Variants in PTPN13 observed in about 807,000 individuals in gnomAD.
The protein encoded by PTPN13 is protein tyrosine phosphatase non-receptor type 13.
In PTPN13, 191 loss-of-function variants were observed where a neutral mutation model predicts 284.0. That is an observed-to-expected ratio of 0.67 (90% CI 0.60 to 0.76). The LOEUF (loss-of-function observed/expected upper bound fraction) is 0.76, where lower values mean the gene tolerates loss of function less well. PTPN13 is among the 30% of genes least tolerant of loss of function. The probability of loss-of-function intolerance (pLI) is 0.00; values close to 1 mark genes in which losing one functional copy is unlikely to be tolerated. For missense variants in PTPN13, 2,797 were observed against 2,939.9 expected (o/e 0.95, Z 1.12); for synonymous variants, 986 against 1,022.3 (o/e 0.96, Z 0.68).
chr4:86,625,598 G>A (rs935289706), intron 1 of PTPN13, among the ~76,000 whole-genome samples: 8 of 151,814 alleles, frequency 5.3e-5, no homozygotes, highest in Non-Finnish European at 8.8e-5. Context: ...TTAATGTCTG[G>A]TACCACACCA....
At chr4:86,686,679 T>G (rs1196258037) in intron 3 of PTPN13, 31 bp from the exon 4 acceptor site, 1 of 1,379,696 alleles carries the variant, frequency 7.2e-7, no homozygotes, top group Non-Finnish European at 1.0e-6. Flanking sequence ...TATTTTATCA[T>G]AAAATTATTT....
intron 2 of PTPN13, among the ~76,000 whole-genome samples, chr4:86,646,097 G>A (rs971915355): frequency 4.0e-5 from 6 of 150,604 alleles, no homozygotes; most frequent in Admixed American, 2.0e-4. Context: ...AAAAATTAAA[G>A]TTCTTAAAAA....
At position 86,763,195 on chromosome 4, in the gene PTPN13, A is replaced by G; in HGVS notation, c.4017+5A>G. 6.3e-7 allele frequency: 1 copy of G among 1,593,528 alleles called. No homozygotes were observed. Among genetic ancestry groups the G allele is most frequent in the Non-Finnish European group, 8.5e-7 (1 of 1,171,012 alleles). On this transcript the variant is annotated splice_donor_5th_base_variant and intron_variant, in intron 24 of 47. Coordinates refer to ENST00000411767, the MANE Select transcript of PTPN13 (RefSeq NM_080683.3). ...GATCATCAAACACCAAAACAGGCATAGTTTAATTTTAATATTTTGGTTTTC... is the reference window on the plus strand; with the variant it reads ...GATCATCAAACACCAAAACAGGCATGGTTTAATTTTAATATTTTGGTTTTC...
chr4:86,787,103 C>CA (rs574178007), intron 40 of PTPN13, among the ~76,000 whole-genome samples: 3,742 of 127,258 alleles, frequency 0.029, 56 homozygotes, highest in Non-Finnish European at 0.039. Flanking sequence ...GACTCAGTCT[C>CA]AAAAAAAAAA....
At chr4:86,693,071 TAAAAAAAA>T (rs34543988) in intron 5 of PTPN13, among the ~76,000 whole-genome samples, 9 of 112,304 alleles carry the variant, frequency 8.0e-5, no homozygotes, top group African/African-American at 1.7e-4. Flanking sequence ...CCGTTATATT[TAAAAAAAA>T]AAAAAAAAAA....
intron 4 of PTPN13, among the ~76,000 whole-genome samples, chr4:86,688,593 G>A (rs1398683914): frequency 6.6e-6 from 1 of 151,984 alleles, no homozygotes; most frequent in African/African-American, 2.4e-5. Context: ...TATCATGGGA[G>A]TATCTAATTA....
intron 47 of PTPN13, 64 bp from the exon 48 acceptor site, chr4:86,814,392 C>CTA (rs995540304): frequency 6.1e-5 from 65 of 1,063,350 alleles, no homozygotes; most frequent in Admixed American, 9.8e-5. Flanking sequence ...AGTGGTATAG[C>CTA]TATATATATA....
chr4:86,693,231 A>G (rs747095876), intron 5 of PTPN13, among the ~76,000 whole-genome samples: 113 of 152,332 alleles, frequency 7.4e-4, no homozygotes, highest in Non-Finnish European at 1.1e-3. Flanking sequence ...TTTTTAAATT[A>G]TAAACTAACT....
intron 2 of PTPN13, among the ~76,000 whole-genome samples, chr4:86,650,557 T>A (rs1209617932): frequency 6.6e-6 from 1 of 152,158 alleles, no homozygotes; most frequent in Non-Finnish European, 1.5e-5. Flanking sequence ...CCTGCCTCAG[T>A]CTCCTAAAGG....
chr4:86,682,577 C>T (rs1729014603), intron 3 of PTPN13, among the ~76,000 whole-genome samples: 1 of 152,018 alleles, frequency 6.6e-6, no homozygotes, highest in Non-Finnish European at 1.5e-5. Context: ...CAAATACTTG[C>T]CTGTTTTTGA....
chr4:86,809,877 A>C lies in PTPN13; in HGVS notation c.7192A>C (p.Ile2398Leu), dbSNP rs1321314049. The C allele has an allele frequency of 1.2e-6, 2 of 1,614,014 alleles. No individual in the cohort carries two copies. The highest frequency in any genetic ancestry group is 1.7e-6 in the Non-Finnish European group (2 of 1,179,882). Residue 2398 changes from isoleucine to leucine, a missense_variant, in exon 46 of 48, where the codon ATC (isoleucine) becomes CTC (leucine). Physicochemically the swap from Ile to Leu is conservative, Grantham distance 5. Coordinates refer to ENST00000411767, the MANE Select transcript of PTPN13 (RefSeq NM_080683.3). Reference protein sequence around the residue: ...LLTFISYMRHIHRSGPIITHC... With the variant: ...LLTFISYMRHLHRSGPIITHC... Reference sequence around the variant, plus strand: ...TACTTTTATCTCCTACATGAGACACATCCACAGATCAGGCCCAATCATTAC... The same window carrying C: ...TACTTTTATCTCCTACATGAGACACCTCCACAGATCAGGCCCAATCATTAC...
rs201314867 is a variant in PTPN13, at chr4:86,670,171, C to CTT, written c.116-2178_116-2177dup. Among the ~76,000 whole-genome samples, 13 of 110,268 alleles carry CTT rather than the reference C, an allele frequency of 1.2e-4. No homozygotes were observed. The East Asian group carries it at 1.9e-3, about 16-fold the overall frequency. The allele number at this position is 110,268 out of a possible 152,430, so 72.3% of individuals were successfully genotyped here. A position where few individuals can be genotyped will look rare whatever the true frequency, so the allele number is the denominator to read the frequency against. On this transcript the variant is annotated intron_variant, in intron 2 of 47. Coordinates refer to ENST00000411767, the MANE Select transcript of PTPN13 (RefSeq NM_080683.3). Reference sequence around the variant, plus strand: ...TCTTCATTTCTTTTCTATCTTAATTCTTTTTTTTTTTTTTTTTGGTGACCT... The same window carrying CTT: ...TCTTCATTTCTTTTCTATCTTAATTCTTTTTTTTTTTTTTTTTTTGGTGACCT...
At chr4:86,747,778 C>T (rs1736946484) in intron 17 of PTPN13, among the ~76,000 whole-genome samples, 1 of 152,198 alleles carries the variant, frequency 6.6e-6, no homozygotes, top group South Asian at 2.1e-4. Context: ...CTATATTTTT[C>T]CCCTTGGCTT....
At chr4:86,642,850 G>A (rs1156835973) in intron 2 of PTPN13, among the ~76,000 whole-genome samples, 1 of 152,140 alleles carries the variant, frequency 6.6e-6, no homozygotes, top group Admixed American at 6.5e-5. Context: ...ATGAATTCAT[G>A]TAGGAGCTCA....
chr4:86,613,880 C>T (rs1282320969), intron 1 of PTPN13, among the ~76,000 whole-genome samples: 1 of 152,114 alleles, frequency 6.6e-6, no homozygotes, highest in Non-Finnish European at 1.5e-5. Flanking sequence ...CTTATATCCT[C>T]ACTGCAGTGA....
intron 2 of PTPN13, among the ~76,000 whole-genome samples, chr4:86,643,053 A>G (rs1723997978): frequency 6.6e-6 from 1 of 152,178 alleles, no homozygotes; most frequent in Non-Finnish European, 1.5e-5. Context: ...AGGGTGTTAG[A>G]CTGATTGATT....
At chr4:86,597,073 G>A (rs1224322285) in intron 1 of PTPN13, among the ~76,000 whole-genome samples, 1 of 151,994 alleles carries the variant, frequency 6.6e-6, no homozygotes, top group Non-Finnish European at 1.5e-5. Context: ...CACTTTACAA[G>A]GTAGGGGCCT....
chr4:86,732,501 C>T, intron 11 of PTPN13, 27 bp downstream of exon 11: 3 of 1,592,254 alleles, frequency 1.9e-6, no homozygotes, highest in South Asian at 2.3e-5. Flanking sequence ...ATTTGTGTCA[C>T]TCTTAGAAAA....
chr4:86,743,477 GA>G (rs11313070), intron 16 of PTPN13, among the ~76,000 whole-genome samples: 2,025 of 147,860 alleles, frequency 0.014, 52 homozygotes, highest in African/African-American at 0.047. Context: ...TTTGTTAGGG[GA>G]AAAAAAAAAT....
Sources: gnomAD v4.1 joint callset for allele counts (sites outside exome capture counted in the v4.1 genomes callset) on GRCh38, gnomAD v4.1.1 for gene constraint, MANE v1.5 for transcripts, NCBI Gene and HGNC (gene_info 2026-07-23, HGNC 2026-07-21) for gene names.